The following STK16 variants were observed in gnomAD, a reference collection of about 807,000 sequenced individuals.
STK16 encodes serine/threonine-protein kinase 16.
Under a neutral mutation model 37.8 loss-of-function variants are expected in STK16, and 28 were observed. The ratio of observed to expected loss-of-function variants is 0.74; its 90% CI spans 0.55 to 1.02. The LOEUF (loss-of-function observed/expected upper bound fraction) is 1.02, where lower values mean the gene tolerates loss of function less well. Among genes scored for constraint, STK16 ranks in the 50% least tolerant of loss-of-function variants. The probability of loss-of-function intolerance (pLI) is 0.00; values close to 1 mark genes in which losing one functional copy is unlikely to be tolerated. For synonymous variants in STK16, 134 were observed against 155.0 expected (o/e 0.86, Z 1.01); for missense variants, 349 against 390.6 (o/e 0.89, Z 0.90).
rs1416215278 is a variant in STK16, at chr2:219,247,705, A to C, written c.605A>C (p.Glu202Ala). 1.2e-6 allele frequency: 2 copies of C among 1,607,892 alleles called. No individual in the cohort carries two copies. Among genetic ancestry groups the C allele is most frequent in the Non-Finnish European group, 8.5e-7 (1 of 1,176,434 alleles). ...TGCACCATCTCCTACCGAGCCCCAG[A>C]GCTCTTCTCTGTGCAGAGTCACTGT... ...QRCTISYRAP[E>A]LFSVQSHCVI... Residue 202 changes from glutamate to alanine, a missense_variant, in exon 6 of 8, where the codon GAG becomes GCG. Coordinates refer to ENST00000396738, the MANE Select transcript of STK16 (RefSeq NM_001330213.2).
rs1951600526 is a variant in STK16, at chr2:219,249,079, A to C, written c.*520A>C. The C allele has an allele frequency of 6.5e-6, 1 of 152,824 alleles. No homozygotes were observed. Among genetic ancestry groups the C allele is most frequent in the Non-Finnish European group, 1.5e-5 (1 of 68,366 alleles). 9.5% of individuals were successfully genotyped at this position (152,824 alleles called of 1,614,324 possible). A position where few individuals can be genotyped will look rare whatever the true frequency, so the allele number is the denominator to read the frequency against. ...GACAGTTCTAGCTTGTCTTAGATCA[A>C]AACTTAAAGCTGCTTGGGCTCAAGC... On this transcript the variant is annotated 3_prime_UTR_variant, in exon 8 of 8. Coordinates refer to ENST00000396738, the MANE Select transcript of STK16 (RefSeq NM_001330213.2).
Position 219,248,194 on chromosome 2 carries a change from C to T in STK16, c.659C>T (p.Ser220Phe). The T allele has an allele frequency of 6.2e-7, 1 of 1,614,108 alleles. No homozygotes were observed. Among genetic ancestry groups the T allele is most frequent in the South Asian group, 1.1e-5 (1 of 91,076 alleles). Reference sequence around the variant, plus strand: ...AGGGACTAATCAAGTTATGCTCAGTCCCTAGGCTGCGTGCTATATGCCATG... The same window carrying T: ...AGGGACTAATCAAGTTATGCTCAGTTCCTAGGCTGCGTGCTATATGCCATG... ...CVIDERTDVW[S>F]LGCVLYAMMF... Residue 220 changes from serine (S) to phenylalanine (F), a missense_variant and splice_region_variant, in exon 7 of 8, where the codon TCC becomes TTC. Physicochemically the swap from Ser to Phe is radical, Grantham distance 155. Coordinates refer to ENST00000396738, the MANE Select transcript of STK16 (RefSeq NM_001330213.2).
In STK16 at chr2:219,247,685, C is replaced by T; in HGVS notation, c.585C>T (p.Thr195=). Residue 195 remains threonine (T), a synonymous_variant, in exon 6 of 8, where the codon ACC becomes ACT. Coordinates refer to ENST00000396738, the MANE Select transcript of STK16 (RefSeq NM_001330213.2). ...AGGACTGGGCAGCCCAGCGGTGCAC[C>T]ATCTCCTACCGAGCCCCAGAGCTCT... The part of the protein sequence containing the change: ...TLQDWAAQRC[T]ISYRAPELFS... 1 of 1,610,480 alleles carries T rather than the reference C, an allele frequency of 6.2e-7. No homozygotes were observed. Among genetic ancestry groups the T allele is most frequent in the East Asian group, 2.2e-5 (1 of 44,816 alleles).
rs753898075 is a variant in STK16, at chr2:219,248,205, G to A, written c.670G>A (p.Val224Met). 40 of 1,614,038 alleles carry A rather than the reference G, an allele frequency of 2.5e-5. No homozygotes were observed. The South Asian group carries it at 2.9e-4, about 12-fold the overall frequency. ...ERTDVWSLGC[V>M]LYAMMFGEGP... ...AAGTTATGCTCAGTCCCTAGGCTGC[G>A]TGCTATATGCCATGATGTTTGGGGA... Residue 224 changes from valine (V) to methionine (M), a missense_variant, in exon 7 of 8, where the codon GTG becomes ATG. Transcript: ENST00000396738.
rs538800339 is a variant in STK16, at chr2:219,246,152, A to G, written c.86+67A>G. 8.6e-6 allele frequency: 12 copies of G among 1,393,882 alleles called. No individual in the cohort carries two copies. In the East Asian group the frequency reaches 2.8e-4, roughly 32 times the overall value. The allele number at this position is 1,393,882 out of a possible 1,614,324, so 86.3% of individuals were successfully genotyped here. On this transcript the variant is annotated intron_variant, in intron 2 of 7. Transcript: ENST00000396738. This position sits in a 1 kb window ranked among gnomAD's most constrained non-coding sequence, Gnocchi z 4.5. ...ATCATTGAAGGACAGCGGTGTGCAT[A>G]TGCTTGGGGCACAAGGGTTTTATCC...
At position 219,247,948 on chromosome 2, in the gene STK16, T is replaced by G. The variant is rs1280268329; in HGVS notation, c.657+191T>G. The G allele has an allele frequency of 3.7e-6, 3 of 814,834 alleles. No individual in the cohort carries two copies. The South Asian group carries it at 4.4e-5, about 12-fold the overall frequency. The allele number at this position is 814,834 out of a possible 1,614,324, so 50.5% of individuals were successfully genotyped here. ...GTTGTACCGGATGTGGTATAATCTG[T>G]GCCCCTGAACAAGGTGAGTACAGCT... On this transcript the variant is annotated intron_variant, in intron 6 of 7. Transcript: ENST00000396738.
intron 6 of STK16, 172 bp downstream of exon 6, chr2:219,247,929 C>A: frequency 1.2e-6 from 1 of 821,728 alleles, no homozygotes; most frequent in South Asian, 1.4e-5. Context: ...CCCAGTTGTA[C>A]CGGATGTGGT....
At position 219,248,527 on chromosome 2, in the gene STK16, C is replaced by T; in HGVS notation, c.886C>T (p.Pro296Ser). 4 of 1,613,758 alleles carry T rather than the reference C, an allele frequency of 2.5e-6. No individual in the cohort carries two copies. In the South Asian group the frequency reaches 3.3e-5, roughly 13 times the overall value. Reference protein sequence around the residue: ...LLSQLEALQPPAPGQHTTQI With the variant: ...LLSQLEALQPSAPGQHTTQI Reference sequence around the variant, plus strand: ...CAGTCAGCTGGAGGCGCTTCAGCCCCCAGCTCCTGGCCAACATACTACCCA... The same window carrying T: ...CAGTCAGCTGGAGGCGCTTCAGCCCTCAGCTCCTGGCCAACATACTACCCA... The change falls in exon 8 of 8, where the codon CCA (proline) becomes TCA (serine). Residue 296 changes from proline (P) to serine (S), a missense_variant. Physicochemically the swap from Pro to Ser is moderately conservative, Grantham distance 74. Coordinates refer to ENST00000396738, the MANE Select transcript of STK16 (RefSeq NM_001330213.2).
chr2:219,246,821 G>A lies in STK16; in HGVS notation c.251G>A (p.Cys84Tyr). The stretch of plus-strand genomic sequence containing the variant: ...AACATCCTTCGCCTCGTGGCTTACT[G>A]TCTGAGGGAACGGGGTGCTAAGCAT... ...HPNILRLVAY[C>Y]LRERGAKHEA... The change falls in exon 3 of 8, where the codon TGT (cysteine) becomes TAT (tyrosine). Residue 84 changes from cysteine (C) to tyrosine (Y), a missense_variant. By Grantham distance (194) the Cys-to-Tyr change is radical. Coordinates refer to ENST00000396738, the MANE Select transcript of STK16 (RefSeq NM_001330213.2). This position sits in a 1 kb window ranked among gnomAD's most constrained non-coding sequence, Gnocchi z 4.5. The A allele has an allele frequency of 2.5e-6, 4 of 1,614,152 alleles. No individual in the cohort carries two copies. Among genetic ancestry groups the A allele is most frequent in the Non-Finnish European group, 3.4e-6 (4 of 1,180,008 alleles).
chr2:219,246,081 G>A lies in STK16; in HGVS notation c.82G>A (p.Glu28Lys), dbSNP rs776200050. 6.2e-7 allele frequency: 1 copy of A among 1,613,786 alleles called. No individual in the cohort carries two copies. The highest frequency in any genetic ancestry group is 1.1e-5 in the South Asian group (1 of 91,052). ...CTACCTCTTCATCCAGAAACTGGGG[G>A]AGGGGTGAGTGTTTGGAAGTCAGTT... ...KRYLFIQKLG[E>K]GGFSYVDLVE... Residue 28 changes from glutamate to lysine, a missense_variant, in exon 2 of 8, where the codon GAG becomes AAG. Transcript: ENST00000396738. This position sits in a 1 kb window ranked among gnomAD's most constrained non-coding sequence, Gnocchi z 4.5.
Position 219,248,568 on chromosome 2 carries a change from C to G in STK16, c.*9C>G, listed in dbSNP as rs982970308. On this transcript the variant is annotated 3_prime_UTR_variant, in exon 8 of 8. Transcript: ENST00000396738. ...ATACTACCCAAATCTGAAAAAGCAG[C>G]ATGTTGAGAAGATGGCCCCTTGTGC... is the stretch of plus-strand genomic sequence containing the variant. 2 of 1,600,918 alleles carry G rather than the reference C, an allele frequency of 1.2e-6. No homozygotes were observed. The highest frequency in any genetic ancestry group is 8.5e-7 in the Non-Finnish European group (1 of 1,173,106).
At position 219,245,887 on chromosome 2, in the gene STK16, TC is replaced by T; in HGVS notation, c.-104-8del. ...CGGACCTGTGACCCTGCCGTTGTTT[TC>T]TTTCCAGCATGATCCGCTGGGCCCC... is the stretch of plus-strand genomic sequence containing the variant. On this transcript the variant is annotated splice_region_variant and splice_polypyrimidine_tract_variant and intron_variant, in intron 1 of 7. Coordinates refer to ENST00000396738, the MANE Select transcript of STK16 (RefSeq NM_001330213.2). 1.2e-6 allele frequency: 1 copy of T among 808,100 alleles called. No individual in the cohort carries two copies. The highest frequency in any genetic ancestry group is 1.6e-5 in the South Asian group (1 of 61,714). The allele number at this position is 808,100 out of a possible 1,614,324, so 50.1% of individuals were successfully genotyped here.
intron 6 of STK16, 35 bp downstream of exon 6, chr2:219,247,792 G>A: frequency 6.5e-7 from 1 of 1,548,466 alleles, no homozygotes; most frequent in Non-Finnish European, 8.7e-7. Context: ...TGGGTAGGGA[G>A]GGCTGTGGCT....
Position 219,250,011 on chromosome 2 carries a change from A to G in STK16, c.*1452A>G. The G allele has an allele frequency of 4.2e-6, 1 of 237,522 alleles. No individual in the cohort carries two copies. The highest frequency in any genetic ancestry group is 7.5e-5 in the South Asian group (1 of 13,270). The allele number at this position is 237,522 out of a possible 1,614,324, so 14.7% of individuals were successfully genotyped here. On this transcript the variant is annotated 3_prime_UTR_variant, in exon 8 of 8. Coordinates refer to ENST00000396738, the MANE Select transcript of STK16 (RefSeq NM_001330213.2). This position sits in a 1 kb window ranked among gnomAD's most constrained non-coding sequence, Gnocchi z 8.4. ...AGTCTAACTTTCAAAGACAGAAACCACTGGATTATACTCCTACTTGGAAAG... is the reference window on the plus strand; with the variant it reads ...AGTCTAACTTTCAAAGACAGAAACCGCTGGATTATACTCCTACTTGGAAAG...
chr2:219,246,558 TA>T lies in STK16; in HGVS notation c.87-96del. ...AGCCACATCTTGGGAAGGTTTCTGC[TA>T]AATGGGAAGGACACCCCACTCCCCA... is the stretch of plus-strand genomic sequence containing the variant. On this transcript the variant is annotated intron_variant, in intron 2 of 7. Coordinates refer to ENST00000396738, the MANE Select transcript of STK16 (RefSeq NM_001330213.2). The surrounding 1 kb of genome is among the most constrained non-coding windows in gnomAD (Gnocchi z 4.5). 2 of 903,272 alleles carry T rather than the reference TA, an allele frequency of 2.2e-6. No individual in the cohort carries two copies. The highest frequency in any genetic ancestry group is 1.8e-6 in the Non-Finnish European group (1 of 550,140). The allele number at this position is 903,272 out of a possible 1,614,324, so 56.0% of individuals were successfully genotyped here.
chr2:219,246,712 C>G lies in STK16; in HGVS notation c.142C>G (p.Leu48Val). 6.2e-7 allele frequency: 1 copy of G among 1,614,238 alleles called. No individual in the cohort carries two copies. Among genetic ancestry groups the G allele is most frequent in the Non-Finnish European group, 8.5e-7 (1 of 1,180,044 alleles). The change falls in exon 3 of 8, where the codon CTG (leucine) becomes GTG (valine). Residue 48 changes from leucine (L) to valine (V), a missense_variant. By Grantham distance (32) the Leu-to-Val change is conservative. Coordinates refer to ENST00000396738, the MANE Select transcript of STK16 (RefSeq NM_001330213.2). This position sits in a 1 kb window ranked among gnomAD's most constrained non-coding sequence, Gnocchi z 4.5. ...EGLHDGHFYA[L>V]KRILCHEQQD... ...GTTACATGATGGACACTTCTACGCCCTGAAGCGAATCCTGTGTCACGAGCA... is the reference window on the plus strand; with the variant it reads ...GTTACATGATGGACACTTCTACGCCGTGAAGCGAATCCTGTGTCACGAGCA...
At position 219,247,233 on chromosome 2, in the gene STK16, G is replaced by A. The variant is rs966617527; in HGVS notation, c.427G>A (p.Gly143Ser). 6.2e-7 allele frequency: 1 copy of A among 1,614,090 alleles called. No homozygotes were observed. Among genetic ancestry groups the A allele is most frequent in the Non-Finnish European group, 8.5e-7 (1 of 1,180,060 alleles). ...AGGCCTTGAGGCCATTCATGCCAAGGGTTATGCCCACAGGTCAGTGGGAGG... is the reference window on the plus strand; with the variant it reads ...AGGCCTTGAGGCCATTCATGCCAAGAGTTATGCCCACAGGTCAGTGGGAGG... ...CRGLEAIHAK[G>S]YAHRDLKPTN... is the part of the protein sequence containing the mutation. The change falls in exon 4 of 8, where the codon GGT (glycine) becomes AGT (serine). Residue 143 changes from glycine (G) to serine (S), a missense_variant. Coordinates refer to ENST00000396738, the MANE Select transcript of STK16 (RefSeq NM_001330213.2).
At position 219,247,547 on chromosome 2, in the gene STK16, T is replaced by G; in HGVS notation, c.561+12T>G. The stretch of plus-strand genomic sequence containing the variant: ...CTCTGACCCTGCAGGTAAAAGAGTC[T>G]CCAGGTTCCTTTTCTCACCTGTTCC... On this transcript the variant is annotated intron_variant, in intron 5 of 7. Transcript: ENST00000396738. 1 of 1,614,152 alleles carries G rather than the reference T, an allele frequency of 6.2e-7. No individual in the cohort carries two copies. The highest frequency in any genetic ancestry group is 8.5e-7 in the Non-Finnish European group (1 of 1,180,026).
Position 219,245,778 on chromosome 2 carries a change from G to A in STK16, c.-123G>A. 2.8e-6 allele frequency: 1 copy of A among 361,114 alleles called. No individual in the cohort carries two copies. The highest frequency in any genetic ancestry group is 4.7e-5 in the Admixed American group (1 of 21,370). 22.4% of individuals were successfully genotyped at this position (361,114 alleles called of 1,614,324 possible). ...TGAAGCTGGCGACGGAGCAGGGCCT[G>A]TTTTCTCTACACTATAGTGTAGGTT... On this transcript the variant is annotated 5_prime_UTR_variant, in exon 1 of 8. Coordinates refer to ENST00000396738, the MANE Select transcript of STK16 (RefSeq NM_001330213.2).
Sources: allele counts gnomAD v4.1 joint callset, GRCh38; gene constraint gnomAD v4.1.1; non-coding constraint Gnocchi (gnomAD v3.1); transcripts MANE v1.5; gene names NCBI Gene and HGNC (gene_info 2026-07-23, HGNC 2026-07-21).